The following TRRAP variants were observed in gnomAD, a reference collection of about 807,000 sequenced individuals.
TRRAP encodes transformation/transcription domain associated protein.
TRRAP carries 41 observed loss-of-function variants against 438.8 expected under a neutral mutation model. The ratio of observed to expected loss-of-function variants is 0.09; its 90% CI spans 0.07 to 0.12. The LOEUF (loss-of-function observed/expected upper bound fraction) is 0.12, where lower values mean the gene tolerates loss of function less well. TRRAP is among the 10% of genes least tolerant of loss of function. TRRAP has a pLI of 1.00. For missense variants in TRRAP, 3,122 were observed against 5,055.1 expected, an observed-to-expected ratio of 0.62 and a Z score of 11.60; for synonymous variants, 1,994 against 1,962.9, an observed-to-expected ratio of 1.02 and a Z score of -0.42.
At chr7:98,946,887 T>C (rs1005294250) in intron 33 of TRRAP, among the ~76,000 whole-genome samples, 1 of 152,274 alleles carries the variant, frequency 6.6e-6, no homozygotes, top group Non-Finnish European at 1.5e-5. Context: ...TAGAATGTTA[T>C]AATTTCAGGA....
intron 31 of TRRAP, among the ~76,000 whole-genome samples, chr7:98,943,621 A>C (rs1216576700): frequency 6.6e-6 from 1 of 152,232 alleles, no homozygotes; most frequent in African/African-American, 2.4e-5. Flanking sequence ...CTTCAGCTAA[A>C]TCTTTTAAAG....
At chr7:98,936,623 A>G (rs1790567377) in intron 28 of TRRAP, among the ~76,000 whole-genome samples, 1 of 152,200 alleles carries the variant, frequency 6.6e-6, no homozygotes, top group African/African-American at 2.4e-5. Context: ...ATTGCCTGTC[A>G]CTGGAGGACC....
At chr7:98,974,628 G>A (rs181516571) in intron 53 of TRRAP, among the ~76,000 whole-genome samples, 31 of 152,210 alleles carry the variant, frequency 2.0e-4, no homozygotes, top group Non-Finnish European at 2.8e-4. Flanking sequence ...TCATAATCCC[G>A]GATGTTGAAA....
At chr7:98,884,108 G>A (rs1159804475) in intron 3 of TRRAP, among the ~76,000 whole-genome samples, 1 of 152,142 alleles carries the variant, frequency 6.6e-6, no homozygotes, top group African/African-American at 2.4e-5. Context: ...TCTAGGACAT[G>A]GTCTAGCTGG....
chr7:98,978,361 G>T, intron 57 of TRRAP, 38 bp downstream of exon 57: 1 of 1,542,918 alleles, frequency 6.5e-7, no homozygotes, highest in Non-Finnish European at 8.9e-7. Context: ...GCATGAATCA[G>T]TTAAGGGAAC....
chr7:98,954,281 C>G (rs1791487983), intron 40 of TRRAP, among the ~76,000 whole-genome samples: 1 of 152,246 alleles, frequency 6.6e-6, no homozygotes, highest in African/African-American at 2.4e-5. Flanking sequence ...TCACACGGTC[C>G]ATGCCCTTTG....
intron 27 of TRRAP, among the ~76,000 whole-genome samples, 198 bp from the exon 28 acceptor site, chr7:98,935,381 C>T (rs538353380): frequency 6.6e-6 from 1 of 152,234 alleles, no homozygotes; most frequent in South Asian, 2.1e-4. Flanking sequence ...GAATTCTTTC[C>T]ACTAATGAAG....
At position 98,945,933 on chromosome 7, in the gene TRRAP, G is replaced by A. The variant is rs1554416683; in HGVS notation, c.4531G>A (p.Ala1511Thr). ...TGTAATTTTTGTTTTGGTTCAGCCTGCCATGGAAGGGGTAGAGGTGAGAAC... is the reference window on the plus strand; with the variant it reads ...TGTAATTTTTGTTTTGGTTCAGCCTACCATGGAAGGGGTAGAGGTGAGAAC... ...PLSPFCQFEP[A>T]MEGVEEMKIC... Residue 1511 changes from alanine to threonine, a missense_variant, in exon 33 of 73, where the codon GCC (alanine) becomes ACC (threonine). Ala to Thr is a moderately conservative substitution (Grantham distance 58). This residue lies in a region of TRRAP where 108 missense variants were observed against 256.9 expected (regional missense o/e 0.42). Coordinates refer to ENST00000456197, the MANE Select transcript of TRRAP (RefSeq NM_001375524.1). 6.7e-7 allele frequency: 1 copy of A among 1,494,774 alleles called. No homozygotes were observed. The highest frequency in any genetic ancestry group is 2.1e-5 in the Admixed American group (1 of 47,334). The allele number at this position is 1,494,774 out of a possible 1,614,324, so 92.6% of individuals were successfully genotyped here.
At chr7:98,995,112 T>A (rs974982123) in intron 67 of TRRAP, among the ~76,000 whole-genome samples, 5 of 152,332 alleles carry the variant, frequency 3.3e-5, no homozygotes, top group Admixed American at 6.5e-5. Flanking sequence ...ACTGCCCTCC[T>A]GCCCTCCTGC....
intron 67 of TRRAP, among the ~76,000 whole-genome samples, chr7:99,001,981 C>T (rs1455529368): frequency 2.0e-5 from 3 of 152,190 alleles, no homozygotes; most frequent in South Asian, 2.1e-4. Context: ...TACACAGTAA[C>T]GTGGGTGAAC....
chr7:98,915,065 A>C (rs1054988712), intron 18 of TRRAP, among the ~76,000 whole-genome samples: 5 of 152,178 alleles, frequency 3.3e-5, no homozygotes, highest in African/African-American at 7.2e-5. Context: ...GTTTTTTTAA[A>C]AGAAAGATTT....
rs1379292081 is a variant in TRRAP at position 98,976,593 on chromosome 7, G to C, written c.8070G>C (p.Val2690=). 2.5e-6 allele frequency: 4 copies of C among 1,614,204 alleles called. No homozygotes were observed. Among genetic ancestry groups the C allele is most frequent in the Non-Finnish European group, 2.5e-6 (3 of 1,180,046 alleles). Residue 2690 remains valine, a synonymous_variant, in exon 55 of 73, where the codon GTG becomes GTC. Coordinates refer to ENST00000456197, the MANE Select transcript of TRRAP (RefSeq NM_001375524.1). The surrounding 1 kb of genome is among the most constrained non-coding windows in gnomAD (Gnocchi z 4.6). ...TTGTGGAAGCCATGTCCCAGTGCGT[G>C]CCGCCAATCCCCATCCGACCCTGCG... ...NCFVEAMSQC[V]PPIPIRPCVL...
chr7:98,983,134 A>G, intron 59 of TRRAP, 130 bp from the exon 60 acceptor site: 1 of 830,746 alleles, frequency 1.2e-6, no homozygotes, highest in South Asian at 1.9e-5. Flanking sequence ...GGTGTAAATG[A>G]GAGTGCTTCC....
intron 6 of TRRAP, among the ~76,000 whole-genome samples, chr7:98,894,783 G>GTTTTTTTTTTTTTTTTTTTT (rs56407045): frequency 3.4e-5 from 3 of 87,418 alleles, no homozygotes; most frequent in African/African-American, 9.4e-5. Context: ...CCAGCTAATG[G>GTTTTTTTTTTTTTTTTTTTT]TTTTTTTTTT....
At chr7:98,914,801 A>G (rs954246808) in intron 18 of TRRAP, among the ~76,000 whole-genome samples, 3 of 151,356 alleles carry the variant, frequency 2.0e-5, no homozygotes, top group African/African-American at 4.8e-5. Flanking sequence ...AACAATTTTC[A>G]TAGAACTTTT....
Position 98,948,826 on chromosome 7 carries a change from T to C in TRRAP, c.4788+141T>C. On this transcript the variant is annotated intron_variant, in intron 35 of 72. Coordinates refer to ENST00000456197, the MANE Select transcript of TRRAP (RefSeq NM_001375524.1). This position sits in a 1 kb window ranked among gnomAD's most constrained non-coding sequence, Gnocchi z 4.9. ...ATCCATTTGAATATTGGAAACAGCATTGCTGTTTGGTTGTGTCTGTGAAAT... is the reference window on the plus strand; with the variant it reads ...ATCCATTTGAATATTGGAAACAGCACTGCTGTTTGGTTGTGTCTGTGAAAT... 7.3e-7 allele frequency: 1 copy of C among 1,374,112 alleles called. No homozygotes were observed. The allele number at this position is 1,374,112 out of a possible 1,614,324, so 85.1% of individuals were successfully genotyped here. A position where few individuals can be genotyped will look rare whatever the true frequency, so the allele number is the denominator to read the frequency against.
At chr7:98,978,994 C>A (rs116865154) in intron 58 of TRRAP, 90 bp downstream of exon 58, 8 of 1,538,390 alleles carry the variant, frequency 5.2e-6, no homozygotes, top group Admixed American at 1.9e-5. Context: ...TTAGAACAAG[C>A]ATTTTGGCAG....
At chr7:98,960,019 G>A (rs41634) in intron 45 of TRRAP, among the ~76,000 whole-genome samples, 122 of 151,554 alleles carry the variant, frequency 8.0e-4, no homozygotes, top group Non-Finnish European at 1.4e-3. Context: ...CCAACTACAC[G>A]TAGGAGTGTT....
intron 31 of TRRAP, among the ~76,000 whole-genome samples, chr7:98,945,362 A>G (rs541486969): frequency 5.9e-5 from 9 of 152,200 alleles, no homozygotes; most frequent in Non-Finnish European, 8.8e-5. Context: ...GTAGCCGGGA[A>G]AGAGGTTTTT....
Sources: allele counts gnomAD v4.1 joint callset (sites outside exome capture counted in the v4.1 genomes callset), GRCh38; gene constraint gnomAD v4.1.1; regional missense constraint gnomAD v4.1.1; non-coding constraint Gnocchi (gnomAD v3.1); transcripts MANE v1.5; gene names NCBI Gene and HGNC (gene_info 2026-07-23, HGNC 2026-07-21).